Variants in BMPR1B observed in about 807,000 individuals in gnomAD.
The protein encoded by BMPR1B is bone morphogenetic protein receptor type-1B.
BMPR1B carries 12 observed loss-of-function variants against 59.1 expected under a neutral mutation model. The ratio of observed to expected loss-of-function variants is 0.20; its 90% CI spans 0.13 to 0.33. The LOEUF is 0.33. Ranked by LOEUF, BMPR1B falls within the 10% of genes least tolerant of loss-of-function variation. The pLI, the probability that BMPR1B is intolerant of heterozygous loss-of-function variation, is 1.00. For missense variants in BMPR1B, 550 were observed against 610.9 expected, an observed-to-expected ratio of 0.90 and a Z score of 1.05; for synonymous variants, 237 against 207.3, an observed-to-expected ratio of 1.14 and a Z score of -1.23.
At chr4:94,851,918 C>T (rs533036806) in intron 1 of BMPR1B, among the ~76,000 whole-genome samples, 2 of 152,156 alleles carry the variant, frequency 1.3e-5, no homozygotes, top group South Asian at 2.1e-4. Context: ...TGTACATCTT[C>T]GTACACTCAG....
At chr4:95,139,383 G>A (rs1158535038) in intron 10 of BMPR1B, among the ~76,000 whole-genome samples, 1 of 152,202 alleles carries the variant, frequency 6.6e-6, no homozygotes, top group East Asian at 1.9e-4. Flanking sequence ...GGAGGAGGCA[G>A]TCTGTCCGTT....
At chr4:94,889,949 CCCT>C (rs566370395) in intron 2 of BMPR1B, among the ~76,000 whole-genome samples, 229 of 151,844 alleles carry the variant, frequency 1.5e-3, no homozygotes, top group Non-Finnish European at 2.5e-3. Flanking sequence ...TTTTTCTGAC[CCCT>C]CCTCTACCCC....
chr4:94,818,504 T>C (rs1724090911), intron 1 of BMPR1B, among the ~76,000 whole-genome samples: 1 of 152,222 alleles, frequency 6.6e-6, no homozygotes, highest in South Asian at 2.1e-4. Context: ...CTGTCTCTAT[T>C]CAAGCTCCTA....
chr4:94,759,132 C>G (rs1721656620), intron 1 of BMPR1B, among the ~76,000 whole-genome samples: 1 of 152,176 alleles, frequency 6.6e-6, no homozygotes, highest in Non-Finnish European at 1.5e-5. Flanking sequence ...CCAGCTGGGT[C>G]CTGCTGTTTG....
chr4:94,784,518 A>T (rs965078225), intron 1 of BMPR1B, among the ~76,000 whole-genome samples: 2 of 151,876 alleles, frequency 1.3e-5, no homozygotes, highest in African/African-American at 2.4e-5. Flanking sequence ...ACTTTTTAAA[A>T]TTTTTTCTTT....
chr4:94,855,443 A>T (rs1725720427), intron 1 of BMPR1B, among the ~76,000 whole-genome samples: 1 of 152,226 alleles, frequency 6.6e-6, no homozygotes, highest in Admixed American at 6.5e-5. Flanking sequence ...TGGTGTGCCG[A>T]TGACTCTTTT....
intron 2 of BMPR1B, among the ~76,000 whole-genome samples, chr4:94,965,521 T>G (rs1360456962): frequency 4.6e-5 from 7 of 152,202 alleles, no homozygotes; most frequent in Non-Finnish European, 8.8e-5. Context: ...TGGCCTGGGT[T>G]ATATAAGATA....
At position 95,120,871 on chromosome 4, in the gene BMPR1B, C is replaced by T. The variant is rs529355159; in HGVS notation, c.350-2939C>T. Among the ~76,000 whole-genome samples, 20 of 151,144 alleles carry T rather than the reference C, an allele frequency of 1.3e-4. No individual in the cohort carries two copies. In the South Asian group the frequency reaches 4.0e-3, roughly 30 times the overall value. On this transcript the variant is annotated intron_variant, in intron 6 of 12. Coordinates refer to ENST00000515059, the MANE Select transcript of BMPR1B (RefSeq NM_001203.3). ...TCACCCAGGCTGGAGTGCAGTGACA[C>T]GATTTCTGCTCACTGCAACCTCCAC...
At chr4:94,994,057 A>AT (rs1331995112) in intron 2 of BMPR1B, among the ~76,000 whole-genome samples, 1 of 152,192 alleles carries the variant, frequency 6.6e-6, no homozygotes, top group Non-Finnish European at 1.5e-5. Flanking sequence ...GCAAGTACAT[A>AT]TTTTACCACA....
At chr4:95,120,857 G>T (rs908695675) in intron 6 of BMPR1B, among the ~76,000 whole-genome samples, 1 of 149,370 alleles carries the variant, frequency 6.7e-6, no homozygotes, top group Non-Finnish European at 1.5e-5. Context: ...CACCCAGGCT[G>T]GAGTGCAGTG....
chr4:95,157,372 C>G lies in BMPR1B; in HGVS notation c.*2699C>G, dbSNP rs1232326434. The G allele has an allele frequency of 6.6e-6, 1 of 151,930 alleles. No individual in the cohort carries two copies. The highest frequency in any genetic ancestry group is 1.5e-5 in the Non-Finnish European group (1 of 67,928). The allele number at this position is 151,930 out of a possible 1,614,324, so 9.4% of individuals were successfully genotyped here. A position where few individuals can be genotyped will look rare whatever the true frequency, so the allele number is the denominator to read the frequency against. On this transcript the variant is annotated 3_prime_UTR_variant, in exon 13 of 13. Transcript: ENST00000515059. ...ATTGTTCTTAAAGACTACTCATTTC[C>G]CAATAATCCTTTATGATTTCAAAAT...
At chr4:94,869,635 G>A (rs1726400339) in intron 1 of BMPR1B, among the ~76,000 whole-genome samples, 7 of 152,050 alleles carry the variant, frequency 4.6e-5, no homozygotes. Flanking sequence ...GGTTCAAAAG[G>A]CCTACTTGAA....
chr4:95,052,727 C>T (rs921094545), intron 3 of BMPR1B, among the ~76,000 whole-genome samples: 3 of 151,994 alleles, frequency 2.0e-5, no homozygotes, highest in African/African-American at 4.8e-5. Context: ...CTTGGCCCTA[C>T]GGAAAAAGTT....
At chr4:95,079,544 A>G (rs1728963274) in intron 3 of BMPR1B, among the ~76,000 whole-genome samples, 1 of 152,232 alleles carries the variant, frequency 6.6e-6, no homozygotes, top group Admixed American at 6.5e-5. Flanking sequence ...TCCTTAGTGT[A>G]TCTTATCTTT....
At chr4:94,908,697 C>T (rs757713011) in intron 2 of BMPR1B, among the ~76,000 whole-genome samples, 22 of 152,016 alleles carry the variant, frequency 1.4e-4, no homozygotes, top group Admixed American at 7.2e-4. Context: ...TGATAGGTAT[C>T]TGCAGCTGAA....
intron 3 of BMPR1B, among the ~76,000 whole-genome samples, chr4:95,039,864 T>G (rs116362090): frequency 4.6e-4 from 70 of 152,346 alleles, no homozygotes; most frequent in Non-Finnish European, 6.2e-4. Flanking sequence ...ACCAAAAGAT[T>G]GGACACCCCT....
intron 4 of BMPR1B, among the ~76,000 whole-genome samples, chr4:95,109,694 TTC>T (rs71583686): frequency 5.6e-5 from 4 of 71,548 alleles, no homozygotes; most frequent in Non-Finnish European, 9.4e-5. Context: ...TCATTAGAAC[TTC>T]TTTTTATTAT....
intron 3 of BMPR1B, among the ~76,000 whole-genome samples, chr4:95,094,258 C>A (rs1360241374): frequency 6.6e-6 from 1 of 151,998 alleles, no homozygotes; most frequent in Non-Finnish European, 1.5e-5. Flanking sequence ...ATATTTTAGT[C>A]ATCCTTGAAC....
At chr4:95,010,343 A>G (rs1723130352) in intron 3 of BMPR1B, among the ~76,000 whole-genome samples, 1 of 152,176 alleles carries the variant, frequency 6.6e-6, no homozygotes, top group African/African-American at 2.4e-5. Context: ...TACTGCTGGA[A>G]TAGGTCCTTG....
Sources: gnomAD v4.1 joint callset for allele counts (sites outside exome capture counted in the v4.1 genomes callset) on GRCh38, gnomAD v4.1.1 for gene constraint, MANE v1.5 for transcripts, NCBI Gene and HGNC (gene_info 2026-07-23, HGNC 2026-07-21) for gene names.